The following SASH1 variants were observed in gnomAD, a reference collection of about 807,000 sequenced individuals.
SASH1 encodes the protein SAM and SH3 domain-containing protein 1.
SASH1 carries 44 observed loss-of-function variants against 125.2 expected under a neutral mutation model. The ratio of observed to expected loss-of-function variants is 0.35; its 90% confidence interval spans 0.28 to 0.45. The LOEUF (loss-of-function observed/expected upper bound fraction) is 0.45. Among genes scored for constraint, SASH1 ranks in the 20% least tolerant of loss-of-function variants. SASH1 has a pLI of 1.00. For synonymous variants in SASH1, 639 were observed against 649.1 expected (o/e 0.98, Z 0.24); for missense variants, 1,426 against 1,614.5 (o/e 0.88, Z 2.00).
intron 1 of SASH1, among the ~76,000 whole-genome samples, chr6:148,370,908 A>T (rs538645149): frequency 3.9e-5 from 6 of 152,328 alleles, no homozygotes; most frequent in Middle Eastern, 3.4e-3. Flanking sequence ...ATATGTACTG[A>T]CTTTATAAGG....
chr6:148,222,395 C>T, the SASH1 span, among the ~76,000 whole-genome samples: 2 of 152,126 alleles, frequency 1.3e-5, no homozygotes, highest in African/African-American at 2.4e-5. Flanking sequence ...GCTGGAGGTA[C>T]TCCTCTCTCT....
chr6:148,300,404 C>G (rs1314437657), intron 1 of SASH1, among the ~76,000 whole-genome samples: 3 of 133,638 alleles, frequency 2.2e-5, no homozygotes, highest in Non-Finnish European at 3.3e-5. Flanking sequence ...GGGGCCTGGT[C>G]AAACAAACAA....
chr6:148,342,474 G>A (rs1242098265), upstream of SASH1: 2 of 152,210 alleles, frequency 1.3e-5, no homozygotes, highest in Non-Finnish European at 2.9e-5. Flanking sequence ...TTCAACAGGC[G>A]ATTTGTTCTC....
At chr6:148,313,972 T>C (rs778028767) in intron 1 of SASH1, among the ~76,000 whole-genome samples, 29 of 152,200 alleles carry the variant, frequency 1.9e-4, no homozygotes, top group Non-Finnish European at 3.5e-4. Context: ...ACCTTTAGCA[T>C]AAGCTCAGTG....
intron 1 of SASH1, among the ~76,000 whole-genome samples, chr6:148,313,726 C>T (rs750061076): frequency 4.6e-5 from 7 of 152,062 alleles, no homozygotes; most frequent in Non-Finnish European, 7.4e-5. Flanking sequence ...GTGGCACGTG[C>T]GGCTGCATGC....
rs201223962 is a variant in SASH1, at chr6:148,531,606, G to A, written c.1509G>A (p.Lys503=). 2.5e-6 allele frequency: 4 copies of A among 1,579,274 alleles called. No individual in the cohort carries two copies. The highest frequency in any genetic ancestry group is 3.4e-6 in the Non-Finnish European group (4 of 1,162,714). The change falls in exon 13 of 20, where the codon AAG becomes AAA. Residue 503 remains lysine, a synonymous_variant. Coordinates refer to ENST00000367467, the MANE Select transcript of SASH1 (RefSeq NM_015278.5). ...AACACTTGGACAAGCCCAAGCTCAA[G>A]GCCGGGGGTTCTGTAGAAAGTCTTC... ...DPEHLDKPKL[K]AGGSVESLRS...
intron 2 of SASH1, among the ~76,000 whole-genome samples, chr6:148,390,693 C>CCTCCTTCTAGTGTTTTTGTGGGCATTT (rs1562374454): frequency 6.6e-6 from 1 of 151,740 alleles, no homozygotes; most frequent in Admixed American, 6.6e-5. Flanking sequence ...GAGGCTGAGG[C>CCTCCTTCTAGTGTTTTTGTGGGCATTT]AGGAGACTGG....
chr6:148,415,260 A>G (rs1784778865), intron 2 of SASH1, among the ~76,000 whole-genome samples: 1 of 152,264 alleles, frequency 6.6e-6, no homozygotes, highest in South Asian at 2.1e-4. Flanking sequence ...TTGTCTAGGA[A>G]GTTCTGATTA....
At chr6:148,206,831 A>ACAC in the SASH1 span, among the ~76,000 whole-genome samples, 1 of 151,224 alleles carries the variant, frequency 6.6e-6, no homozygotes, top group African/African-American at 2.4e-5. Context: ...ACACACACAC[A>ACAC]AATTAACATA....
intron 5 of SASH1, among the ~76,000 whole-genome samples, chr6:148,470,938 C>G (rs1778076819): frequency 6.6e-6 from 1 of 152,168 alleles, no homozygotes; most frequent in South Asian, 2.1e-4. Flanking sequence ...ACCAACCATT[C>G]TCTTCTTGTT....
chr6:148,306,173 G>T (rs9399647), intron 1 of SASH1, among the ~76,000 whole-genome samples: 103,289 of 152,060 alleles, frequency 0.68, 35,493 homozygotes, highest in East Asian at 0.81. Flanking sequence ...GCAGGTGGGG[G>T]GCACAGGTAA....
rs77854899 is a variant in SASH1, at chr6:148,282,966, T to C, written n.74+10589T>C. ...CAGAGAAGACACACCTAAAGATGTA[T>C]CCAGAGAACGCCTGGAGTCAGGAAT... On this transcript the variant is annotated intron_variant and non_coding_transcript_variant, in intron 1 of 3. Coordinates refer to the SASH1 transcript ENST00000367469. Among the ~76,000 whole-genome samples the C allele has an allele frequency of 8.4e-3, 1,283 of 152,148 alleles. 27 individuals are homozygous for C. Among genetic ancestry groups the C allele is most frequent in the Admixed American group, 0.019 (291 of 15,270 alleles).
At chr6:148,408,538 A>G (rs972536456) in intron 2 of SASH1, among the ~76,000 whole-genome samples, 1 of 152,176 alleles carries the variant, frequency 6.6e-6, no homozygotes, top group African/African-American at 2.4e-5. Context: ...ATTTCAATCC[A>G]ACTCCATGTA....
At chr6:148,253,973 A>T in the SASH1 span, among the ~76,000 whole-genome samples, 1 of 152,162 alleles carries the variant, frequency 6.6e-6, no homozygotes, top group Non-Finnish European at 1.5e-5. Flanking sequence ...CGGCAGGTCA[A>T]GGTGGGCGGA....
intron 4 of SASH1, among the ~76,000 whole-genome samples, chr6:148,459,211 C>T (rs1777503587): frequency 6.6e-6 from 1 of 152,112 alleles, no homozygotes; most frequent in Admixed American, 6.6e-5. Context: ...CATGAAGCCA[C>T]AAATGAAGAA....
At chr6:148,517,529 A>G (rs1780511173) in intron 9 of SASH1, among the ~76,000 whole-genome samples, 1 of 152,172 alleles carries the variant, frequency 6.6e-6, no homozygotes, top group Non-Finnish European at 1.5e-5. Context: ...CGATGCTCCA[A>G]GTTCAAGCCA....
the SASH1 span, among the ~76,000 whole-genome samples, chr6:148,259,566 G>A: frequency 2.6e-5 from 4 of 152,144 alleles, no homozygotes; most frequent in Non-Finnish European, 4.4e-5. Flanking sequence ...GCTGCCTGTC[G>A]CTGGGTGCCC....
At chr6:148,523,311 A>G (rs1780925362) in intron 10 of SASH1, among the ~76,000 whole-genome samples, 1 of 152,224 alleles carries the variant, frequency 6.6e-6, no homozygotes, top group African/African-American at 2.4e-5. Flanking sequence ...TTTTGCAAGA[A>G]GGAGGAAATG....
At chr6:148,424,248 G>T (rs1382395294) in intron 2 of SASH1, among the ~76,000 whole-genome samples, 3 of 150,418 alleles carry the variant, frequency 2.0e-5, no homozygotes, top group African/African-American at 4.9e-5. Context: ...TTTTTTTGGG[G>T]GGGGGAGGTG....
Sources: allele counts gnomAD v4.1 joint callset (sites outside exome capture counted in the v4.1 genomes callset), GRCh38; gene constraint gnomAD v4.1.1; transcripts MANE v1.5; gene names NCBI Gene and HGNC (gene_info 2026-07-23, HGNC 2026-07-21).